NRG3: variants seen among roughly 807,000 people sequenced by gnomAD.
The protein encoded by NRG3 is pro-neuregulin-3, membrane-bound isoform.
In NRG3, 31 loss-of-function variants were observed where a neutral mutation model predicts 66.9. The observed-to-expected ratio is 0.46, with a 90% CI of 0.35 to 0.63. The LOEUF (loss-of-function observed/expected upper bound fraction) is 0.63. Among genes scored for constraint, NRG3 ranks in the 20% least tolerant of loss-of-function variants. The probability of loss-of-function intolerance (pLI) is 0.00; values close to 1 mark genes in which losing one functional copy is unlikely to be tolerated. For missense variants in NRG3, 910 were observed against 878.9 expected, an observed-to-expected ratio of 1.04 and a Z score of -0.45; for synonymous variants, 393 against 359.4, an observed-to-expected ratio of 1.09 and a Z score of -1.06.
intron 3 of NRG3, among the ~76,000 whole-genome samples, chr10:82,838,955 C>T (rs947800842): frequency 3.3e-5 from 5 of 152,108 alleles, no homozygotes; most frequent in African/African-American, 7.2e-5. Context: ...GAAAACCAAG[C>T]GAAAAGGGTT....
chr10:82,780,480 C>CTTTTTTTTTTTTTTTTTTTTTTT (rs150086019), intron 3 of NRG3, among the ~76,000 whole-genome samples: 1 of 106,102 alleles, frequency 9.4e-6, no homozygotes, highest in African/African-American at 3.5e-5. Flanking sequence ...TTTTTCTTTT[C>CTTTTTTTTTTTTTTTTTTTTTTT]TTTTTTTTTT....
intron 2 of NRG3, among the ~76,000 whole-genome samples, chr10:82,503,455 C>G (rs1007563314): frequency 9.9e-5 from 15 of 152,128 alleles, no homozygotes; most frequent in African/African-American, 3.6e-4. Flanking sequence ...CTTGGTAAGG[C>G]ATGTATATCT....
intron 1 of NRG3, among the ~76,000 whole-genome samples, chr10:82,014,812 A>G (rs1204789005): frequency 6.6e-6 from 1 of 152,148 alleles, no homozygotes; most frequent in Non-Finnish European, 1.5e-5. Flanking sequence ...AGATTTATTC[A>G]GAGGAGCCTA....
chr10:82,775,543 A>C (rs904336774), intron 3 of NRG3, among the ~76,000 whole-genome samples: 2 of 152,002 alleles, frequency 1.3e-5, no homozygotes, highest in African/African-American at 4.8e-5. Context: ...CATTCTGGGG[A>C]ATGTTCCATG....
At chr10:82,167,633 C>T (rs1176323756) in intron 1 of NRG3, among the ~76,000 whole-genome samples, 1 of 152,104 alleles carries the variant, frequency 6.6e-6, no homozygotes, top group African/African-American at 2.4e-5. Context: ...TCTCCTAGCA[C>T]ACATGGGCTC....
At chr10:82,349,103 G>T (rs1414313484) in intron 1 of NRG3, among the ~76,000 whole-genome samples, 1 of 152,160 alleles carries the variant, frequency 6.6e-6, no homozygotes, top group African/African-American at 2.4e-5. Flanking sequence ...TTTCGTTGCT[G>T]GTGAGGAACT....
intron 2 of NRG3, among the ~76,000 whole-genome samples, chr10:82,474,264 T>C (rs1479364249): frequency 6.6e-6 from 1 of 151,948 alleles, no homozygotes; most frequent in Non-Finnish European, 1.5e-5. Context: ...AGAAATAGTC[T>C]CTGAAGAAAT....
At chr10:82,203,777 G>A (rs2074970767) in intron 1 of NRG3, among the ~76,000 whole-genome samples, 1 of 152,050 alleles carries the variant, frequency 6.6e-6, no homozygotes, top group Admixed American at 6.6e-5. Context: ...TGATGAACAA[G>A]GAATCAACAA....
At chr10:82,589,974 C>A (rs1314790669) in intron 2 of NRG3, among the ~76,000 whole-genome samples, 3 of 152,200 alleles carry the variant, frequency 2.0e-5, no homozygotes, top group Non-Finnish European at 1.5e-5. Flanking sequence ...AGAACAGTCA[C>A]TGAAAAATGG....
At chr10:82,899,576 C>A (rs1844009197) in intron 4 of NRG3, among the ~76,000 whole-genome samples, 1 of 152,148 alleles carries the variant, frequency 6.6e-6, no homozygotes, top group Non-Finnish European at 1.5e-5. Context: ...TGTCAGCATG[C>A]ACTCAGAGAA....
chr10:82,836,973 A>G (rs977410949), intron 3 of NRG3, among the ~76,000 whole-genome samples: 8 of 152,030 alleles, frequency 5.3e-5, no homozygotes, highest in Non-Finnish European at 1.2e-4. Context: ...ATTCCCACCT[A>G]TGAGTGAGAA....
intron 1 of NRG3, among the ~76,000 whole-genome samples, chr10:82,026,219 G>T (rs1046618736): frequency 2.6e-4 from 39 of 151,938 alleles, no homozygotes; most frequent in African/African-American, 9.4e-4. Flanking sequence ...GATACCACAG[G>T]TTAGTTACGT....
At chr10:82,788,147 GTGTTTAC>G (rs2060445347) in intron 3 of NRG3, among the ~76,000 whole-genome samples, 1 of 152,132 alleles carries the variant, frequency 6.6e-6, no homozygotes, top group Non-Finnish European at 1.5e-5. Context: ...ATTGTTATTG[GTGTTTAC>G]TTTTTTGAGA....
chr10:82,390,046 T>C (rs1384870550), intron 2 of NRG3, among the ~76,000 whole-genome samples: 1 of 152,162 alleles, frequency 6.6e-6, no homozygotes, highest in African/African-American at 2.4e-5. Context: ...TGGTGTTCAA[T>C]TTACTGTCTG....
intron 1 of NRG3, among the ~76,000 whole-genome samples, chr10:82,132,540 T>TATATATCATATATATATCATATATATATG (rs1303043191): frequency 3.1e-5 from 4 of 130,178 alleles, no homozygotes; most frequent in African/African-American, 6.1e-5. Flanking sequence ...ATATATGATA[T>TATATATCATATATATATCATATATATATG]ATATATATCT....
chr10:82,417,324 T>C (rs993832895), intron 2 of NRG3, among the ~76,000 whole-genome samples: 1 of 152,152 alleles, frequency 6.6e-6, no homozygotes, highest in Non-Finnish European at 1.5e-5. Flanking sequence ...GATTGAGTAG[T>C]GGCAATGGAA....
At chr10:82,033,585 A>G (rs759293390) in intron 1 of NRG3, among the ~76,000 whole-genome samples, 3 of 152,124 alleles carry the variant, frequency 2.0e-5, no homozygotes, top group Non-Finnish European at 4.4e-5. Flanking sequence ...GTATTTGTAT[A>G]GTGTTAGACA....
At chr10:81,984,148 C>T (rs1197528820) in intron 1 of NRG3, among the ~76,000 whole-genome samples, 1 of 152,010 alleles carries the variant, frequency 6.6e-6, no homozygotes. Flanking sequence ...CTTGCTGGTA[C>T]CATGACATTA....
At chr10:82,029,349 AAAG>A in intron 1 of NRG3, among the ~76,000 whole-genome samples, 1 of 152,296 alleles carries the variant, frequency 6.6e-6, no homozygotes, top group South Asian at 2.1e-4. Flanking sequence ...CCAGTTTCCC[AAAG>A]TGAATGGGAT....
Sources: allele counts gnomAD v4.1 joint callset (sites outside exome capture counted in the v4.1 genomes callset), GRCh38; gene constraint gnomAD v4.1.1; transcripts MANE v1.5; gene names NCBI Gene and HGNC (gene_info 2026-07-23, HGNC 2026-07-21).